The following CDH18 variants were observed in gnomAD, a reference collection of about 807,000 sequenced individuals.
CDH18 encodes cadherin 18, also known as cadherin-18.
CDH18 carries 31 observed loss-of-function variants against 67.9 expected under a neutral mutation model. The observed-to-expected ratio is 0.46, with a 90% CI of 0.34 to 0.62. CDH18 has a LOEUF of 0.62. Ranked by LOEUF, CDH18 falls within the 20% of genes least tolerant of loss-of-function variation. The pLI is 0.01. For missense variants in CDH18, 890 were observed against 975.5 expected (o/e 0.91, Z 1.17); for synonymous variants, 362 against 347.2 (o/e 1.04, Z -0.48).
intron 10 of CDH18, among the ~76,000 whole-genome samples, chr5:19,509,681 G>C (rs1326903202): frequency 1.3e-5 from 2 of 152,058 alleles, no homozygotes; most frequent in African/African-American, 4.8e-5. Context: ...TCTTTTATGT[G>C]TTATTTTTGT....
rs371478816 is a variant in CDH18 at position 20,411,655 on chromosome 5, GA to G, written c.-579-156151del. 3.6e-3 allele frequency among the ~76,000 whole-genome samples: 513 copies of G among 142,042 alleles called. 2 individuals are homozygous for G. The highest frequency in any genetic ancestry group is 0.012 in the African/African-American group (456 of 38,774). The allele number at this position is 142,042 out of a possible 152,430, so 93.2% of individuals were successfully genotyped here. ...CAGGAAAATAAATAATCAACAAAGT[GA>G]AAAAAAAAACAGGCAAAGAATTGTT... On this transcript the variant is annotated intron_variant, in intron 1 of 14. Coordinates refer to the CDH18 transcript ENST00000507958.
At chr5:19,616,273 A>G (rs1356105198) in intron 5 of CDH18, among the ~76,000 whole-genome samples, 1 of 152,010 alleles carries the variant, frequency 6.6e-6, no homozygotes, top group Non-Finnish European at 1.5e-5. Context: ...GAGTAAACAC[A>G]CGCCTACATC....
rs190395055 is a variant in CDH18, at chr5:19,927,128, G to A, written c.-257+53932C>T. Among the ~76,000 whole-genome samples, 643 of 152,080 alleles carry A rather than the reference G, an allele frequency of 4.2e-3. 3 individuals are homozygous for A. The highest frequency in any genetic ancestry group is 0.015 in the African/African-American group (608 of 41,488). On this transcript the variant is annotated intron_variant, in intron 2 of 12. Transcript: ENST00000382275. Reference sequence around the variant, plus strand: ...ATTTGTAATAGTAATTCTAGATAACGTTTATTGGGTACTTACAATATAGTC... The same window carrying A: ...ATTTGTAATAGTAATTCTAGATAACATTTATTGGGTACTTACAATATAGTC...
At chr5:20,356,145 G>A (rs2150064481) in intron 1 of CDH18, among the ~76,000 whole-genome samples, 1 of 152,274 alleles carries the variant, frequency 6.6e-6, no homozygotes, top group East Asian at 1.9e-4. Flanking sequence ...CACTTTGGGA[G>A]GCCGAGGTGG....
rs1398625749 is a variant in CDH18 at position 20,285,805 on chromosome 5, A to G, written c.-579-30300T>C. ...AGAACAATATCACTTCTCTCAATAA[A>G]TATGCATGTTGAATTGCCATGTATC... is the stretch of plus-strand genomic sequence containing the variant. On this transcript the variant is annotated intron_variant, in intron 1 of 14. Transcript: ENST00000507958. Among the ~76,000 whole-genome samples, 6 of 151,740 alleles carry G rather than the reference A, an allele frequency of 4.0e-5. No individual in the cohort carries two copies. The East Asian group carries it at 1.2e-3, about 29-fold the overall frequency.
chr5:20,140,240 T>C (rs1257894791), intron 2 of CDH18, among the ~76,000 whole-genome samples: 1 of 152,118 alleles, frequency 6.6e-6, no homozygotes, highest in Non-Finnish European at 1.5e-5. Flanking sequence ...ACACTACATG[T>C]TCTCACTCAT....
chr5:20,037,003 T>TCTTTGCAC (rs1165522480), intron 2 of CDH18, among the ~76,000 whole-genome samples: 1 of 152,110 alleles, frequency 6.6e-6, no homozygotes, highest in African/African-American at 2.4e-5. Context: ...TGAGCCTATG[T>TCTTTGCAC]GTGTCTTTGC....
At chr5:19,858,114 A>T (rs61675265) in intron 2 of CDH18, among the ~76,000 whole-genome samples, 4,291 of 152,272 alleles carry the variant, frequency 0.028, 197 homozygotes, top group African/African-American at 0.096. Context: ...ATTTTAGGGA[A>T]GCATGGACAT....
In CDH18 at chr5:20,513,418, G is replaced by A. The variant is rs532519637; in HGVS notation, c.-580+62044C>T. 3.9e-5 allele frequency among the ~76,000 whole-genome samples: 6 copies of A among 152,204 alleles called. No individual in the cohort carries two copies. The East Asian group carries it at 9.7e-4, about 25-fold the overall frequency. ...TCCAGAAATTAACTTGATAAATTCT[G>A]TTGTTAACTCATCTATATTTCCCCT... On this transcript the variant is annotated intron_variant, in intron 1 of 14. Coordinates refer to the CDH18 transcript ENST00000507958.
At chr5:20,107,532 T>G (rs1387273498) in intron 2 of CDH18, among the ~76,000 whole-genome samples, 1 of 152,186 alleles carries the variant, frequency 6.6e-6, no homozygotes, top group Non-Finnish European at 1.5e-5. Flanking sequence ...AGAACTGCCA[T>G]AACAAATTTT....
intron 2 of CDH18, among the ~76,000 whole-genome samples, chr5:20,067,477 A>G (rs1028517561): frequency 6.6e-6 from 1 of 152,122 alleles, no homozygotes; most frequent in African/African-American, 2.4e-5. Flanking sequence ...CTCTAACACC[A>G]TCCATATGTC....
intron 2 of CDH18, among the ~76,000 whole-genome samples, chr5:20,098,700 A>G (rs1746197314): frequency 6.6e-6 from 1 of 152,156 alleles, no homozygotes; most frequent in Admixed American, 6.5e-5. Context: ...ACTACACAGT[A>G]ATAATACAAA....
chr5:20,530,085 A>C (rs1405676720), intron 1 of CDH18, among the ~76,000 whole-genome samples: 2 of 152,000 alleles, frequency 1.3e-5, no homozygotes, highest in Non-Finnish European at 2.9e-5. Context: ...GCATTCCTTT[A>C]TACCAACAAG....
At chr5:20,000,825 A>G (rs1420654742) in intron 2 of CDH18, among the ~76,000 whole-genome samples, 1 of 152,150 alleles carries the variant, frequency 6.6e-6, no homozygotes, top group African/African-American at 2.4e-5. Context: ...AGGAGAGAAA[A>G]GAAGGGAGAA....
chr5:19,478,105 T>G (rs531423780), intron 12 of CDH18, among the ~76,000 whole-genome samples: 2 of 152,284 alleles, frequency 1.3e-5, no homozygotes, highest in South Asian at 4.1e-4. Context: ...GAAACATTTT[T>G]TGTATTTGTT....
intron 1 of CDH18, among the ~76,000 whole-genome samples, chr5:20,556,654 T>C (rs1757922665): frequency 6.6e-6 from 1 of 152,144 alleles, no homozygotes. Context: ...TATCATTAAA[T>C]GTTGGCCCCT....
intron 2 of CDH18, among the ~76,000 whole-genome samples, chr5:19,965,844 T>G (rs1318208697): frequency 6.6e-6 from 1 of 152,128 alleles, no homozygotes; most frequent in Non-Finnish European, 1.5e-5. Flanking sequence ...GGACAGGATT[T>G]CCTAGTGTAT....
chr5:20,163,729 T>G (rs1736068956), intron 2 of CDH18, among the ~76,000 whole-genome samples: 1 of 152,194 alleles, frequency 6.6e-6, no homozygotes, highest in Admixed American at 6.5e-5. Flanking sequence ...GGTTAAAACA[T>G]ATAAAGCAGA....
At chr5:20,212,660 C>G (rs181948890) in intron 2 of CDH18, among the ~76,000 whole-genome samples, 1 of 151,692 alleles carries the variant, frequency 6.6e-6, no homozygotes, top group East Asian at 1.9e-4. Context: ...CCCACAAATT[C>G]ATATCCGGCC....
Sources: gnomAD v4.1 joint callset for allele counts (sites outside exome capture counted in the v4.1 genomes callset) on GRCh38, gnomAD v4.1.1 for gene constraint, MANE v1.5 for transcripts, NCBI Gene and HGNC (gene_info 2026-07-23, HGNC 2026-07-21) for gene names.